UNC80: variants seen among roughly 807,000 people sequenced by gnomAD.
UNC80 encodes protein unc-80 homolog.
A neutral mutation model predicts 384.6 loss-of-function variants in UNC80; 164 were observed. The observed-to-expected ratio is 0.43, with a 90% CI of 0.38 to 0.49. The LOEUF (loss-of-function observed/expected upper bound fraction) is 0.49. Ranked by LOEUF, UNC80 falls within the 20% of genes least tolerant of loss-of-function variation. UNC80 has a pLI of 0.00. For synonymous variants in UNC80, 1,486 were observed against 1,527.8 expected (o/e 0.97, Z 0.64); for missense variants, 3,330 against 4,143.0 (o/e 0.80, Z 5.39).
At chr2:209,795,629 G>C (rs1410124481) in intron 7 of UNC80, 6 of 152,240 alleles carry the variant, frequency 3.9e-5, no homozygotes, top group South Asian at 4.1e-4. Flanking sequence ...GTGCAGCCGA[G>C]GGACTTGGTG....
chr2:209,812,712 A>T (rs376790160), intron 7 of UNC80, among the ~76,000 whole-genome samples: 5 of 152,182 alleles, frequency 3.3e-5, no homozygotes, highest in African/African-American at 1.2e-4. Flanking sequence ...TTCTTACCAG[A>T]CCACATGTTC....
chr2:209,859,499 T>A (rs562881471), intron 22 of UNC80, among the ~76,000 whole-genome samples: 4 of 152,360 alleles, frequency 2.6e-5, no homozygotes, highest in African/African-American at 9.6e-5. Flanking sequence ...AATATACGTG[T>A]GCATGTGTCT....
At chr2:209,868,940 T>A (rs986324628) in intron 22 of UNC80, among the ~76,000 whole-genome samples, 14 of 152,162 alleles carry the variant, frequency 9.2e-5, no homozygotes, top group African/African-American at 3.4e-4. Flanking sequence ...TTATGGAGCA[T>A]AAAAAGGGAT....
At chr2:209,945,708 G>A in intron 46 of UNC80, 139 bp from the exon 47 acceptor site, 1 of 570,594 alleles carries the variant, frequency 1.8e-6, no homozygotes, top group East Asian at 2.9e-5. Flanking sequence ...GAAATTAATA[G>A]TTTTCACAGC....
At chr2:209,888,981 C>T (rs899129837) in intron 26 of UNC80, among the ~76,000 whole-genome samples, 1 of 152,124 alleles carries the variant, frequency 6.6e-6, no homozygotes, top group Non-Finnish European at 1.5e-5. Context: ...CTCTGCTAAA[C>T]ACTTGTAGGG....
intron 28 of UNC80, among the ~76,000 whole-genome samples, chr2:209,903,561 ATACT>A (rs796679057): frequency 3.2e-3 from 1 of 314 alleles, no homozygotes; most frequent in Non-Finnish European, 0.013. Flanking sequence ...TAATATATAT[ATACT>A]ATATATATAG....
intron 22 of UNC80, among the ~76,000 whole-genome samples, chr2:209,860,796 T>C (rs763992738): frequency 5.9e-5 from 9 of 152,228 alleles, no homozygotes; most frequent in Non-Finnish European, 1.2e-4. Flanking sequence ...ATGAATTTTA[T>C]TCTCTTTGTA....
chr2:209,838,083 C>G (rs541835478), intron 18 of UNC80, among the ~76,000 whole-genome samples: 1 of 152,126 alleles, frequency 6.6e-6, no homozygotes, highest in East Asian at 1.9e-4. Context: ...GTACCTACAT[C>G]TTAGTACGTT....
chr2:209,941,828 C>T (rs1014399697), intron 44 of UNC80, among the ~76,000 whole-genome samples: 1 of 152,180 alleles, frequency 6.6e-6, no homozygotes, highest in Non-Finnish European at 1.5e-5. Context: ...AATGCCAGCA[C>T]TTTGGGAGGC....
chr2:209,976,362 A>T lies in UNC80; in HGVS notation c.8772+59A>T. On this transcript the variant is annotated intron_variant, in intron 57 of 64. Transcript: ENST00000673920. This position sits in a 1 kb window ranked among gnomAD's most constrained non-coding sequence, Gnocchi z 4.3. Reference sequence around the variant, plus strand: ...AGCTCAAATGAATGTGTGGCTCTCTACTGAGGCAGGAATATGGCAGGAGTG... The same window carrying T: ...AGCTCAAATGAATGTGTGGCTCTCTTCTGAGGCAGGAATATGGCAGGAGTG... 1 of 1,548,654 alleles carries T rather than the reference A, an allele frequency of 6.5e-7. No individual in the cohort carries two copies. The highest frequency in any genetic ancestry group is 1.4e-5 in the African/African-American group (1 of 73,094).
chr2:209,977,383 A>G (rs772661677), intron 58 of UNC80, among the ~76,000 whole-genome samples: 1 of 152,242 alleles, frequency 6.6e-6, no homozygotes, highest in Admixed American at 6.5e-5. Flanking sequence ...AATTGGAAGA[A>G]AAATGGTTTA....
At chr2:209,888,015 A>C in intron 25 of UNC80, 80 bp from the exon 26 acceptor site, 5 of 1,419,594 alleles carry the variant, frequency 3.5e-6, no homozygotes, top group Non-Finnish European at 4.8e-6. Flanking sequence ...GTATAATTCA[A>C]AATGGTGGGA....
In UNC80 at chr2:209,905,085, C is replaced by G. The variant is rs187727732; in HGVS notation, c.4782+120C>G. The G allele has an allele frequency of 7.2e-4, 727 of 1,016,082 alleles. 1 individual carries two copies. The highest frequency in any genetic ancestry group is 8.8e-4 in the Non-Finnish European group (601 of 686,432). The allele number at this position is 1,016,082 out of a possible 1,614,324, so 62.9% of individuals were successfully genotyped here. A position where few individuals can be genotyped will look rare whatever the true frequency, so the allele number is the denominator to read the frequency against. On this transcript the variant is annotated intron_variant, in intron 29 of 64. Coordinates refer to ENST00000673920, the MANE Select transcript of UNC80 (RefSeq NM_001371986.1). ...TTGTAACAATCAGGTCTGTGTGCAT[C>G]TAAACATAAGCAGAAGAGATGTACA...
At chr2:209,802,127 T>A (rs1214618935) in intron 7 of UNC80, among the ~76,000 whole-genome samples, 2 of 152,094 alleles carry the variant, frequency 1.3e-5, no homozygotes, top group African/African-American at 4.8e-5. Context: ...TAGAGTAGAA[T>A]GGTAGTTATC....
At chr2:209,989,429 C>G (rs1022767808) in intron 61 of UNC80, among the ~76,000 whole-genome samples, 4 of 152,052 alleles carry the variant, frequency 2.6e-5, no homozygotes, top group African/African-American at 9.7e-5. Context: ...CTTTTCAGAG[C>G]ATGAAATACA....
chr2:209,904,994 T>C, intron 29 of UNC80, 29 bp downstream of exon 29: 1 of 1,546,094 alleles, frequency 6.5e-7, no homozygotes, highest in Non-Finnish European at 8.8e-7. Context: ...AATGATATTC[T>C]AATACTAGAA....
intron 14 of UNC80, among the ~76,000 whole-genome samples, chr2:209,827,113 A>G (rs2153828280): frequency 6.6e-6 from 1 of 152,260 alleles, no homozygotes; most frequent in Middle Eastern, 3.4e-3. Context: ...TTGAAACTTG[A>G]AACTTTTGAC....
intron 15 of UNC80, among the ~76,000 whole-genome samples, chr2:209,829,760 C>T (rs75143219): frequency 0.012 from 1,828 of 152,208 alleles, 39 homozygotes; most frequent in African/African-American, 0.04. Flanking sequence ...GTATCTATAA[C>T]GTACAGGCAT....
intron 44 of UNC80, among the ~76,000 whole-genome samples, chr2:209,942,493 T>G (rs2091694043): frequency 6.6e-6 from 1 of 152,208 alleles, no homozygotes; most frequent in Admixed American, 6.5e-5. Flanking sequence ...TCGTGTCTAA[T>G]GTATAGCTGG....
Sources: gnomAD v4.1 joint callset for allele counts (sites outside exome capture counted in the v4.1 genomes callset) on GRCh38, gnomAD v4.1.1 for gene constraint, Gnocchi (gnomAD v3.1) non-coding constraint, MANE v1.5 for transcripts, NCBI Gene and HGNC (gene_info 2026-07-23, HGNC 2026-07-21) for gene names.